The following NRG1 variants were observed in gnomAD, a reference collection of about 807,000 sequenced individuals.
NRG1 encodes the protein pro-neuregulin-1, membrane-bound isoform.
NRG1 carries 18 observed loss-of-function variants against 63.8 expected under a neutral mutation model. That is an observed-to-expected ratio of 0.28 (90% CI 0.19 to 0.42). NRG1 has a LOEUF of 0.42. NRG1 is among the 10% of genes least tolerant of loss of function. The pLI is 1.00. For synonymous variants in NRG1, 302 were observed against 301.3 expected (o/e 1.00, Z -0.02); for missense variants, 762 against 814.7 (o/e 0.94, Z 0.79).
chr8:31,702,526 A>G lies in NRG1; in HGVS notation c.37+63095A>G, dbSNP rs1413919055. ...TATATCTTCATATCAGCTTAGTCCT[A>G]GTTAATTGTTATTTTCAATCATATT... On this transcript the variant is annotated intron_variant, in intron 1 of 10. Coordinates refer to the NRG1 transcript ENST00000519301. Among the ~76,000 whole-genome samples the G allele has an allele frequency of 1.3e-5, 2 of 150,648 alleles. 1 individual carries two copies. Among genetic ancestry groups the G allele is most frequent in the South Asian group, 4.2e-4 (2 of 4,770 alleles).
intron 1 of NRG1, among the ~76,000 whole-genome samples, chr8:32,232,925 A>G (rs1012847083): frequency 1.7e-4 from 26 of 152,112 alleles, no homozygotes; most frequent in African/African-American, 6.0e-4. Context: ...TTCTACTCTT[A>G]TCTACATGAC....
chr8:32,443,342 T>C (rs1819800568), intron 1 of NRG1, among the ~76,000 whole-genome samples: 6 of 152,140 alleles, frequency 3.9e-5, no homozygotes. Context: ...CATCTTTCAT[T>C]ACAGGCAAGT....
At chr8:31,699,970 C>T (rs2131182673) in intron 1 of NRG1, among the ~76,000 whole-genome samples, 1 of 152,274 alleles carries the variant, frequency 6.6e-6, no homozygotes, top group Non-Finnish European at 1.5e-5. Context: ...AATACGAAAA[C>T]CTTTCCTTGG....
At chr8:32,279,447 G>A (rs1852461167) in intron 1 of NRG1, among the ~76,000 whole-genome samples, 1 of 152,170 alleles carries the variant, frequency 6.6e-6, no homozygotes, top group Admixed American at 6.5e-5. Context: ...CAGACTCTCT[G>A]GTTCAAGCAA....
intron 1 of NRG1, among the ~76,000 whole-genome samples, chr8:32,355,036 A>G (rs1280251155): frequency 4.6e-5 from 7 of 152,098 alleles, no homozygotes; most frequent in Non-Finnish European, 4.4e-5. Flanking sequence ...ACAATTATGT[A>G]TCTGTTCTTG....
At position 31,763,909 on chromosome 8, in the gene NRG1, C is replaced by T. The variant is rs571721936; in HGVS notation, c.37+124478C>T. ...AGCTTGCAGTGAGCCAAGATCGCGC[C>T]ACCACACTCCAGCCTGGGTGACAGA... is the stretch of plus-strand genomic sequence containing the variant. On this transcript the variant is annotated intron_variant, in intron 1 of 10. Coordinates refer to the NRG1 transcript ENST00000519301. Among the ~76,000 whole-genome samples, 226 of 151,002 alleles carry T rather than the reference C, an allele frequency of 1.5e-3. 2 individuals are homozygous for T. Among genetic ancestry groups the T allele is most frequent in the East Asian group, 3.9e-4 (2 of 5,102 alleles).
At chr8:32,075,268 A>G (rs1826324375) in intron 1 of NRG1, among the ~76,000 whole-genome samples, 1 of 150,164 alleles carries the variant, frequency 6.7e-6, no homozygotes. Context: ...CATATTACTT[A>G]TACCCTAACA....
intron 1 of NRG1, among the ~76,000 whole-genome samples, chr8:32,188,818 G>C (rs1434469603): frequency 2.0e-5 from 3 of 151,920 alleles, no homozygotes; most frequent in East Asian, 3.9e-4. Flanking sequence ...TTGTGGGGTG[G>C]GGGGAGGAGG....
intron 1 of NRG1, among the ~76,000 whole-genome samples, chr8:32,388,251 C>T (rs1451430147): frequency 6.6e-6 from 1 of 152,110 alleles, no homozygotes; most frequent in Non-Finnish European, 1.5e-5. Flanking sequence ...ATCAAGTATA[C>T]TTGAAGAGCC....
At chr8:32,557,749 C>A (rs1031598562) in intron 1 of NRG1, among the ~76,000 whole-genome samples, 5 of 152,066 alleles carry the variant, frequency 3.3e-5, no homozygotes, top group Non-Finnish European at 5.9e-5. Flanking sequence ...GTAATACTTA[C>A]AGGCATTATG....
chr8:32,018,263 C>T (rs1051487306), intron 1 of NRG1, among the ~76,000 whole-genome samples: 3 of 152,112 alleles, frequency 2.0e-5, no homozygotes, highest in Admixed American at 6.5e-5. Context: ...AGAAGAACAT[C>T]GAGGGGAAAC....
At chr8:32,109,470 A>G (rs6468083) in intron 1 of NRG1, among the ~76,000 whole-genome samples, 5,419 of 152,304 alleles carry the variant, frequency 0.036, 228 homozygotes, top group African/African-American at 0.1. Flanking sequence ...CTCAGCTGGT[A>G]GGTGGTAAAA....
At chr8:32,583,357 G>T (rs1172925130) in intron 1 of NRG1, among the ~76,000 whole-genome samples, 4 of 152,012 alleles carry the variant, frequency 2.6e-5, no homozygotes, top group Non-Finnish European at 1.5e-5. Context: ...GCTTCATCCT[G>T]CAGACCAAAC....
At chr8:32,702,723 C>G (rs1198353219) in intron 5 of NRG1, among the ~76,000 whole-genome samples, 1 of 152,132 alleles carries the variant, frequency 6.6e-6, no homozygotes, top group Non-Finnish European at 1.5e-5. Context: ...CTGACCTGAT[C>G]TGCCTTCCTC....
At position 32,280,926 on chromosome 8, in the gene NRG1, A is replaced by AT. The variant is rs202130542; in HGVS notation, c.38-314896dup. Among the ~76,000 whole-genome samples, 20 of 149,476 alleles carry AT rather than the reference A, an allele frequency of 1.3e-4. No individual in the cohort carries two copies. The East Asian group carries it at 3.4e-3, about 25-fold the overall frequency. On this transcript the variant is annotated intron_variant, in intron 1 of 10. Transcript: ENST00000519301. ...AGGTGCCCACCATGATGCTCAGCTAATTTTTTGTATTTTTAGTAGAGACGG... is the reference window on the plus strand; with the variant it reads ...AGGTGCCCACCATGATGCTCAGCTAATTTTTTTGTATTTTTAGTAGAGACGG...
chr8:31,742,455 A>ATTTTTTTTTTTTTTTTTTT (rs36040084), intron 1 of NRG1, among the ~76,000 whole-genome samples: 33 of 80,020 alleles, frequency 4.1e-4, no homozygotes, highest in African/African-American at 4.9e-4. Context: ...TTTTTTAAGA[A>ATTTTTTTTTTTTTTTTTTT]TTTTTTTTTT....
At chr8:32,337,971 T>G (rs1803541681) in intron 1 of NRG1, among the ~76,000 whole-genome samples, 1 of 152,216 alleles carries the variant, frequency 6.6e-6, no homozygotes, top group Non-Finnish European at 1.5e-5. Context: ...TATACTTTAA[T>G]TATTTCTTTT....
At chr8:31,664,522 A>C (rs1806325864) in intron 1 of NRG1, among the ~76,000 whole-genome samples, 1 of 152,204 alleles carries the variant, frequency 6.6e-6, no homozygotes, top group Admixed American at 6.5e-5. Flanking sequence ...AGCAATTGTT[A>C]TTATGTGGTT....
Position 32,144,906 on chromosome 8 carries a change from T to A in NRG1, c.38-450922T>A, listed in dbSNP as rs577344262. ...TGTATGTATGTGTGTGTTAATTTTT[T>A]AATATAGAATATGAAGTTTGAGGGA... On this transcript the variant is annotated intron_variant, in intron 1 of 10. Transcript: ENST00000519301. Among the ~76,000 whole-genome samples, 15 of 152,336 alleles carry A rather than the reference T, an allele frequency of 9.8e-5. No homozygotes were observed. In the East Asian group the frequency reaches 1.3e-3, roughly 14 times the overall value.
Sources: gnomAD v4.1 joint callset for allele counts (sites outside exome capture counted in the v4.1 genomes callset) on GRCh38, gnomAD v4.1.1 for gene constraint, MANE v1.5 for transcripts, NCBI Gene and HGNC (gene_info 2026-07-23, HGNC 2026-07-21) for gene names.